DNAI4: variants seen among roughly 807,000 people sequenced by gnomAD.
DNAI4 encodes WD repeat domain 78.
In DNAI4, 85 loss-of-function variants were observed where a neutral mutation model predicts 105.8. That is an observed-to-expected ratio of 0.80 (90% CI 0.67 to 0.96). The LOEUF (loss-of-function observed/expected upper bound fraction) is 0.96. Among genes scored for constraint, DNAI4 ranks in the 40% least tolerant of loss-of-function variants. DNAI4 has a pLI of 0.00. For synonymous variants in DNAI4, 352 were observed against 331.5 expected, an observed-to-expected ratio of 1.06 and a Z score of -0.67; for missense variants, 1,014 against 1,005.6, an observed-to-expected ratio of 1.01 and a Z score of -0.11.
chr1:66,871,480 C>A lies in DNAI4; in HGVS notation c.830G>T (p.Cys277Phe). The A allele has an allele frequency of 6.3e-7, 1 of 1,598,702 alleles. No homozygotes were observed. The highest frequency in any genetic ancestry group is 2.2e-5 in the East Asian group (1 of 44,490). The part of the protein sequence containing the change: ...TQRNKNYEVL[C>F]RNRLGNDLYV... ...TAGGTCATTGCCTAATCTGTTTCTA[C>A]AAAGGACTTCATAATTCTTGTTTCT... Residue 277 changes from cysteine (C) to phenylalanine (F), a missense_variant, in exon 6 of 17, where the codon TGT becomes TTT. Transcript: ENST00000371026.
chr1:66,844,880 C>T (rs1388118792), intron 8 of DNAI4, among the ~76,000 whole-genome samples: 1 of 151,978 alleles, frequency 6.6e-6, no homozygotes, highest in Non-Finnish European at 1.5e-5. Context: ...AAAATAAGCT[C>T]TTACAACTTG....
rs752697161 is a variant in DNAI4 at position 66,836,211 on chromosome 1, AG to A, written c.1582-435del. Among the ~76,000 whole-genome samples the A allele has an allele frequency of 9.6e-3, 650 of 67,922 alleles. 26 individuals are homozygous for A. The highest frequency in any genetic ancestry group is 0.024 in the East Asian group (41 of 1,706). The allele number at this position is 67,922 out of a possible 152,430, so 44.6% of individuals were successfully genotyped here. On this transcript the variant is annotated intron_variant, in intron 10 of 16. Coordinates refer to ENST00000371026, the MANE Select transcript of DNAI4 (RefSeq NM_024763.5). ...AAGAAAGAAAGAAAGAAAGAAAGAG[AG>A]AGAGAGAGAGAGAGAGAGAGAGAAA...
intron 2 of DNAI4, among the ~76,000 whole-genome samples, chr1:66,899,035 C>T (rs1276574777): frequency 6.6e-6 from 1 of 152,014 alleles, no homozygotes; most frequent in Admixed American, 6.6e-5. Context: ...TTGTTTCCAC[C>T]TTTTGTCTAT....
At chr1:66,919,879 A>G (rs1305812462) in intron 1 of DNAI4, among the ~76,000 whole-genome samples, 2 of 152,200 alleles carry the variant, frequency 1.3e-5, no homozygotes, top group Non-Finnish European at 2.9e-5. Context: ...ACAAGGGCCC[A>G]TTAAAACACT....
chr1:66,813,713 C>T lies in DNAI4; in HGVS notation c.*417G>A, dbSNP rs1645457873. The T allele has an allele frequency of 1.3e-5, 2 of 153,490 alleles. No individual in the cohort carries two copies. Among genetic ancestry groups the T allele is most frequent in the East Asian group, 1.9e-4 (1 of 5,390 alleles). 9.5% of individuals were successfully genotyped at this position (153,490 alleles called of 1,614,324 possible). A position where few individuals can be genotyped will look rare whatever the true frequency, so the allele number is the denominator to read the frequency against. On this transcript the variant is annotated 3_prime_UTR_variant, in exon 17 of 17. Transcript: ENST00000371026. ...CTACGTAATTATAAACTCTGGAAAACAGAGCCTGGAAAGCAGAAGCTTTAA... is the reference window on the plus strand; with the variant it reads ...CTACGTAATTATAAACTCTGGAAAATAGAGCCTGGAAAGCAGAAGCTTTAA...
At chr1:66,823,065 C>T (rs1479876421) in intron 15 of DNAI4, among the ~76,000 whole-genome samples, 2 of 151,630 alleles carry the variant, frequency 1.3e-5, no homozygotes, top group Admixed American at 6.6e-5. Context: ...CCACTCCCCC[C>T]ACCCCACAAC....
intron 4 of DNAI4, among the ~76,000 whole-genome samples, chr1:66,878,133 G>A (rs774838852): frequency 6.6e-5 from 10 of 151,972 alleles, no homozygotes; most frequent in African/African-American, 1.7e-4. Flanking sequence ...TGGAATTCTC[G>A]TGTAAAAAGA....
chr1:66,886,171 T>C (rs1647195325), intron 4 of DNAI4, among the ~76,000 whole-genome samples: 2 of 152,332 alleles, frequency 1.3e-5, no homozygotes, highest in Non-Finnish European at 2.9e-5. Context: ...GTTTTTGATA[T>C]CTAGCATGTC....
rs1647548098 is a variant in DNAI4 at position 66,890,782 on chromosome 1, G to GGAGGAAGAAGAAGT, written c.643+358_643+371dup. ...AGGAGGAAGAGGAAGAAGAGGAAGA[G>GGAGGAAGAAGAAGT]GAGGAAGAAGAAGTGAGGAAGAAGA... On this transcript the variant is annotated intron_variant, in intron 4 of 16. Coordinates refer to ENST00000371026, the MANE Select transcript of DNAI4 (RefSeq NM_024763.5). This position sits in a 1 kb window ranked among gnomAD's most constrained non-coding sequence, Gnocchi z 4.1. The GGAGGAAGAAGAAGT allele has an allele frequency of 3.6e-6, 1 of 279,514 alleles. No homozygotes were observed. Among genetic ancestry groups the GGAGGAAGAAGAAGT allele is most frequent in the Admixed American group, 5.2e-5 (1 of 19,208 alleles). 17.3% of individuals were successfully genotyped at this position (279,514 alleles called of 1,614,324 possible). A position where few individuals can be genotyped will look rare whatever the true frequency, so the allele number is the denominator to read the frequency against.
intron 1 of DNAI4, among the ~76,000 whole-genome samples, chr1:66,913,810 A>G (rs943772660): frequency 2.6e-5 from 4 of 151,888 alleles, no homozygotes; most frequent in African/African-American, 9.7e-5. Flanking sequence ...GTGAAACCCC[A>G]TCTCTACTAA....
chr1:66,880,647 C>T (rs1221811322), intron 4 of DNAI4, among the ~76,000 whole-genome samples: 1 of 152,098 alleles, frequency 6.6e-6, no homozygotes, highest in African/African-American at 2.4e-5. Flanking sequence ...TAAAGGCATT[C>T]AGTTTTATAA....
chr1:66,846,961 G>C (rs2100523283), intron 8 of DNAI4, among the ~76,000 whole-genome samples: 1 of 152,288 alleles, frequency 6.6e-6, no homozygotes, highest in South Asian at 2.1e-4. Context: ...CAATAGATTT[G>C]GGAGTAGTAA....
chr1:66,853,789 G>T (rs1031544039), intron 7 of DNAI4, among the ~76,000 whole-genome samples: 2 of 152,088 alleles, frequency 1.3e-5, no homozygotes, highest in African/African-American at 2.4e-5. Flanking sequence ...AGACTGAATT[G>T]TTTCTTACAA....
intron 2 of DNAI4, among the ~76,000 whole-genome samples, chr1:66,900,943 G>A (rs1340438546): frequency 6.6e-6 from 1 of 152,148 alleles, no homozygotes. Flanking sequence ...GAATAGCAAT[G>A]CAAGGACTTG....
At chr1:66,835,055 A>C (rs1202296737) in intron 11 of DNAI4, among the ~76,000 whole-genome samples, 1 of 152,074 alleles carries the variant, frequency 6.6e-6, no homozygotes, top group Non-Finnish European at 1.5e-5. Context: ...CTTTCCTCAT[A>C]TGACTCATTT....
intron 3 of DNAI4, 142 bp downstream of exon 3, chr1:66,893,087 A>G (rs931046366): frequency 1.7e-5 from 7 of 404,346 alleles, no homozygotes; most frequent in African/African-American, 8.8e-5. Context: ...GAAAGAAAGA[A>G]AGAAAGAAAG....
intron 5 of DNAI4, among the ~76,000 whole-genome samples, chr1:66,873,535 G>A (rs1391051212): frequency 6.6e-6 from 1 of 152,214 alleles, no homozygotes; most frequent in Non-Finnish European, 1.5e-5. Context: ...ACAGGCATGA[G>A]CCACCACATC....
At chr1:66,848,158 G>C in intron 7 of DNAI4, 1 of 455,768 alleles carries the variant, frequency 2.2e-6, no homozygotes. Context: ...ATAGGGCTTT[G>C]TTCCTTTCTG....
At chr1:66,858,516 G>C (rs1400140668) in intron 7 of DNAI4, among the ~76,000 whole-genome samples, 1 of 120,372 alleles carries the variant, frequency 8.3e-6, no homozygotes, top group African/African-American at 3.4e-5. Flanking sequence ...CTGGGCAACA[G>C]AGCAAGACTC....
Sources: gnomAD v4.1 joint callset for allele counts (sites outside exome capture counted in the v4.1 genomes callset) on GRCh38, gnomAD v4.1.1 for gene constraint, Gnocchi (gnomAD v3.1) non-coding constraint, MANE v1.5 for transcripts, NCBI Gene and HGNC (gene_info 2026-07-23, HGNC 2026-07-21) for gene names.